The following ANKFN1 variants were observed in gnomAD, a reference collection of about 807,000 sequenced individuals.
The protein encoded by ANKFN1 is ankyrin repeat and fibronectin type-III domain-containing protein 1.
In ANKFN1, 74 loss-of-function variants were observed where a neutral mutation model predicts 108.7. That is an observed-to-expected ratio of 0.68 (90% CI 0.56 to 0.83). ANKFN1 has a LOEUF of 0.83. Ranked by LOEUF, ANKFN1 falls within the 40% of genes least tolerant of loss-of-function variation. The probability of loss-of-function intolerance (pLI) is 0.00; values close to 1 mark genes in which losing one functional copy is unlikely to be tolerated. For synonymous variants in ANKFN1, 547 were observed against 516.2 expected (o/e 1.06, Z -0.81); for missense variants, 1,505 against 1,382.3 (o/e 1.09, Z -1.41).
At chr17:56,261,477 C>G (rs2043509286) in intron 3 of ANKFN1, among the ~76,000 whole-genome samples, 1 of 152,132 alleles carries the variant, frequency 6.6e-6, no homozygotes, top group Non-Finnish European at 1.5e-5. Flanking sequence ...GGAGTATTGT[C>G]TCACACAATC....
At chr17:56,410,055 GAC>G (rs1319471383) in intron 8 of ANKFN1, among the ~76,000 whole-genome samples, 1 of 152,036 alleles carries the variant, frequency 6.6e-6, no homozygotes, top group Non-Finnish European at 1.5e-5. Context: ...AACCCCAAAT[GAC>G]AGAGTTTTCA....
intron 14 of ANKFN1, among the ~76,000 whole-genome samples, chr17:56,462,899 G>A (rs1278941371): frequency 6.6e-6 from 1 of 152,128 alleles, no homozygotes; most frequent in Non-Finnish European, 1.5e-5. Flanking sequence ...TCCAGCTGTG[G>A]CTCAGACATT....
chr17:56,428,557 G>T (rs1184809368), intron 8 of ANKFN1, among the ~76,000 whole-genome samples: 4 of 151,310 alleles, frequency 2.6e-5, no homozygotes, highest in Non-Finnish European at 5.9e-5. Flanking sequence ...CCGCCTCCCG[G>T]GTTCAAATGA....
At chr17:56,124,743 A>C (rs1906825076) in intron 4 of ANKFN1, among the ~76,000 whole-genome samples, 1 of 152,184 alleles carries the variant, frequency 6.6e-6, no homozygotes, top group African/African-American at 2.4e-5. Flanking sequence ...TTAGAATACC[A>C]CTTGGAATAT....
intron 1 of ANKFN1, among the ~76,000 whole-genome samples, chr17:56,185,892 G>T (rs376791340): frequency 3.3e-5 from 5 of 151,902 alleles, no homozygotes; most frequent in South Asian, 4.2e-4. Context: ...CTCCTGAAGT[G>T]GAGGGTTAGG....
chr17:56,253,934 C>A (rs1004055354), intron 3 of ANKFN1, among the ~76,000 whole-genome samples: 2 of 152,032 alleles, frequency 1.3e-5, no homozygotes, highest in South Asian at 2.1e-4. Flanking sequence ...TTCATATCTT[C>A]TGTGTAAGCC....
intron 8 of ANKFN1, among the ~76,000 whole-genome samples, chr17:56,375,869 T>C (rs1041955341): frequency 1.1e-4 from 17 of 152,230 alleles, no homozygotes; most frequent in Admixed American, 4.6e-4. Context: ...GGTATTGTTA[T>C]GATTCCAACT....
chr17:56,070,985 C>T (rs1813319), intron 4 of ANKFN1, among the ~76,000 whole-genome samples: 96,246 of 149,212 alleles, frequency 0.65, 31,678 homozygotes, highest in Non-Finnish European at 0.74. Context: ...CTGCCCACCT[C>T]AGCCTCCCAA....
At chr17:56,106,590 A>G (rs1260058811) in intron 4 of ANKFN1, among the ~76,000 whole-genome samples, 1 of 152,230 alleles carries the variant, frequency 6.6e-6, no homozygotes, top group Non-Finnish European at 1.5e-5. Flanking sequence ...GAGGGTTGGA[A>G]TCTGAAATCC....
chr17:56,150,039 A>G (rs1264371132), upstream of ANKFN1, among the ~76,000 whole-genome samples: 1 of 152,100 alleles, frequency 6.6e-6, no homozygotes, highest in Non-Finnish European at 1.5e-5. Flanking sequence ...GCATGTTGAC[A>G]TTTTTTATGA....
chr17:56,351,910 G>A (rs2046258158), intron 5 of ANKFN1, among the ~76,000 whole-genome samples: 1 of 152,164 alleles, frequency 6.6e-6, no homozygotes, highest in African/African-American at 2.4e-5. Context: ...ATAGAAGCAT[G>A]CCAAAGTTTG....
chr17:56,169,909 T>C (rs765819901), intron 1 of ANKFN1, among the ~76,000 whole-genome samples: 113 of 152,280 alleles, frequency 7.4e-4, no homozygotes, highest in Non-Finnish European at 1.1e-3. Context: ...GTGGGTACAT[T>C]GACTTTGGTC....
chr17:56,490,964 G>A (rs1489535883), intron 18 of ANKFN1, among the ~76,000 whole-genome samples: 1 of 152,118 alleles, frequency 6.6e-6, no homozygotes, highest in Non-Finnish European at 1.5e-5. Context: ...AGTAGCCAGT[G>A]GTAACATGGG....
At chr17:56,465,385 C>T (rs1023371663) in intron 14 of ANKFN1, among the ~76,000 whole-genome samples, 2 of 152,094 alleles carry the variant, frequency 1.3e-5, no homozygotes, top group South Asian at 2.1e-4. Flanking sequence ...GGGAAAATTC[C>T]GGGGTTTTCA....
chr17:56,214,597 G>A (rs1006217385), intron 2 of ANKFN1, among the ~76,000 whole-genome samples: 12 of 152,212 alleles, frequency 7.9e-5, no homozygotes, highest in South Asian at 2.1e-4. Context: ...TGTCTCCCCC[G>A]TCATTCTTTC....
chr17:56,121,255 T>C (rs1463420038), intron 4 of ANKFN1, among the ~76,000 whole-genome samples: 1 of 152,138 alleles, frequency 6.6e-6, no homozygotes, highest in African/African-American at 2.4e-5. Context: ...CTTTCTCTCC[T>C]TTGCTCATAT....
At chr17:56,168,592 A>G (rs1282015760) in intron 1 of ANKFN1, among the ~76,000 whole-genome samples, 2 of 152,240 alleles carry the variant, frequency 1.3e-5, no homozygotes, top group Non-Finnish European at 1.5e-5. Context: ...AGACCAACTT[A>G]CCATTTTGGA....
At chr17:56,332,999 A>G (rs1166092750) in intron 4 of ANKFN1, among the ~76,000 whole-genome samples, 21 of 142,948 alleles carry the variant, frequency 1.5e-4, no homozygotes, top group Non-Finnish European at 1.5e-5. Flanking sequence ...ATATATATAT[A>G]TCTTCTTTAA....
chr17:56,213,932 C>T (rs1598251051), intron 2 of ANKFN1, among the ~76,000 whole-genome samples: 2 of 152,248 alleles, frequency 1.3e-5, no homozygotes, highest in South Asian at 4.2e-4. Flanking sequence ...TAACATATAT[C>T]CACACATCCC....
Sources: allele counts gnomAD v4.1 joint callset (sites outside exome capture counted in the v4.1 genomes callset), GRCh38; gene constraint gnomAD v4.1.1; transcripts MANE v1.5; gene names NCBI Gene and HGNC (gene_info 2026-07-23, HGNC 2026-07-21).